Variants in DNAH14 observed in about 807,000 individuals in gnomAD.
DNAH14 encodes axonemal beta dynein heavy chain 14.
In DNAH14, 478 loss-of-function variants were observed where a neutral mutation model predicts 520.9. That is an observed-to-expected ratio of 0.92 (90% CI 0.85 to 0.99). DNAH14 has a LOEUF of 0.99. DNAH14 is among the 50% of genes least tolerant of loss of function. The pLI, the probability that DNAH14 is intolerant of heterozygous loss-of-function variation, is 0.00. For synonymous variants in DNAH14, 1,581 were observed against 1,757.2 expected, an observed-to-expected ratio of 0.90 and a Z score of 2.51; for missense variants, 4,831 against 5,234.5, an observed-to-expected ratio of 0.92 and a Z score of 2.38.
chr1:225,023,873 A>G lies in DNAH14; in HGVS notation c.1358+8A>G. ...GAATGAAAATCTTATCAGGTAAATT[A>G]CTTTTTTGAAGTCAAAAAGTAACTT... is the stretch of plus-strand genomic sequence containing the variant. On this transcript the variant is annotated splice_region_variant and intron_variant, in intron 11 of 85. Coordinates refer to ENST00000682510, the MANE Select transcript of DNAH14 (RefSeq NM_001367479.1). 1.3e-6 allele frequency: 2 copies of G among 1,515,948 alleles called. No homozygotes were observed. Among genetic ancestry groups the G allele is most frequent in the African/African-American group, 1.4e-5 (1 of 71,952 alleles). 93.9% of individuals were successfully genotyped at this position (1,515,948 alleles called of 1,614,324 possible). A position where few individuals can be genotyped will look rare whatever the true frequency, so the allele number is the denominator to read the frequency against.
rs1558883803 is a variant in DNAH14 at position 225,078,843 on chromosome 1, CCTCTCTCTCTCTCTCCCTCTCT to C, written c.2425-348_2425-327del. Among the ~76,000 whole-genome samples, 189 of 52,128 alleles carry C rather than the reference CCTCTCTCTCTCTCTCCCTCTCT, an allele frequency of 3.6e-3. 1 individual carries two copies. Among genetic ancestry groups the C allele is most frequent in the East Asian group, 6.3e-3 (12 of 1,912 alleles). 34.2% of individuals were successfully genotyped at this position (52,128 alleles called of 152,430 possible). On this transcript the variant is annotated intron_variant, in intron 17 of 85. Coordinates refer to ENST00000682510, the MANE Select transcript of DNAH14 (RefSeq NM_001367479.1). The stretch of plus-strand genomic sequence containing the variant: ...CTCTCTCCCTCTCTCTCTCTCTCTC[CCTCTCTCTCTCTCTCCCTCTCT>C]CTCTCTCTCTCTCTCTCTCTCTCTC...
chr1:225,147,343 T>G (rs2080047403), intron 31 of DNAH14, 94 bp downstream of exon 31: 2 of 1,311,690 alleles, frequency 1.5e-6, no homozygotes, highest in Admixed American at 3.3e-5. Flanking sequence ...CCAATAAGTG[T>G]TTAGGTCTTT....
At chr1:225,377,160 T>C (rs1558571196) in intron 78 of DNAH14, 77 bp from the exon 79 acceptor site, 5 of 1,219,982 alleles carry the variant, frequency 4.1e-6, no homozygotes, top group Admixed American at 3.4e-5. Flanking sequence ...GTAGGTATCT[T>C]ACTCTGGCAA....
At chr1:225,235,911 T>C (rs2091542149) in intron 42 of DNAH14, among the ~76,000 whole-genome samples, 1 of 152,198 alleles carries the variant, frequency 6.6e-6, no homozygotes, top group Non-Finnish European at 1.5e-5. Flanking sequence ...TGATTGTGGC[T>C]ATTTGATTCT....
intron 15 of DNAH14, among the ~76,000 whole-genome samples, 187 bp downstream of exon 15, chr1:225,044,170 T>C (rs1213657027): frequency 6.6e-6 from 1 of 152,180 alleles, no homozygotes; most frequent in East Asian, 1.9e-4. Context: ...ATTTTACACA[T>C]GGCCTTAGAG....
intron 8 of DNAH14, among the ~76,000 whole-genome samples, chr1:224,999,184 A>G (rs1464837544): frequency 6.6e-6 from 1 of 151,932 alleles, no homozygotes; most frequent in Non-Finnish European, 1.5e-5. Context: ...TAGTTGTGCC[A>G]TGGATTTTTT....
intron 21 of DNAH14, among the ~76,000 whole-genome samples, chr1:225,092,760 TACA>T (rs1274421311): frequency 2.0e-5 from 3 of 151,622 alleles, no homozygotes; most frequent in Non-Finnish European, 4.4e-5. Flanking sequence ...AAAATTAAGA[TACA>T]TAGACTTCTA....
At chr1:225,070,241 C>A (rs576964604) in intron 17 of DNAH14, among the ~76,000 whole-genome samples, 1 of 152,010 alleles carries the variant, frequency 6.6e-6, no homozygotes, top group Non-Finnish European at 1.5e-5. Context: ...TTCTTGTCTC[C>A]TGCTAACTTT....
At chr1:225,335,698 T>C (rs865918735) in intron 66 of DNAH14, among the ~76,000 whole-genome samples, 2 of 90,048 alleles carry the variant, frequency 2.2e-5, no homozygotes, top group Non-Finnish European at 4.6e-5. Context: ...TATATACATA[T>C]GTGCATATAT....
At chr1:225,171,833 G>C (rs551824747) in intron 36 of DNAH14, among the ~76,000 whole-genome samples, 2 of 152,116 alleles carry the variant, frequency 1.3e-5, no homozygotes, top group African/African-American at 4.8e-5. Context: ...TTTTAGACCA[G>C]TATCCCTGAT....
intron 21 of DNAH14, among the ~76,000 whole-genome samples, chr1:225,096,835 C>G (rs1156988960): frequency 6.6e-6 from 1 of 152,090 alleles, no homozygotes; most frequent in African/African-American, 2.4e-5. Context: ...AAGTGCTAGA[C>G]ATTCATGTTA....
At chr1:225,212,476 G>A (rs1253167558) in intron 41 of DNAH14, among the ~76,000 whole-genome samples, 9 of 152,080 alleles carry the variant, frequency 5.9e-5, no homozygotes, top group Middle Eastern at 3.2e-3. Context: ...CTGAGGAATC[G>A]CCACACTGTC....
At chr1:225,388,316 A>C in intron 81 of DNAH14, 63 bp from the exon 82 acceptor site, 1 of 965,552 alleles carries the variant, frequency 1.0e-6, no homozygotes, top group East Asian at 2.7e-5. Context: ...GTTTGCAGAA[A>C]TGTTCCTAAT....
chr1:225,043,104 T>G lies in DNAH14; in HGVS notation c.1758T>G (p.Asp586Glu). ...KSKEISYNLE[D>E]IISDTEIETE... is the part of the protein sequence containing the mutation. ...AAGAAATTAGTTACAATCTTGAAGATATTATTTCAGGTAAGACAATTGAGA... is the reference window on the plus strand; with the variant it reads ...AAGAAATTAGTTACAATCTTGAAGAGATTATTTCAGGTAAGACAATTGAGA... Residue 586 changes from aspartate (D) to glutamate (E), a missense_variant, in exon 13 of 86, where the codon GAT (aspartate) becomes GAG (glutamate). Coordinates refer to ENST00000682510, the MANE Select transcript of DNAH14 (RefSeq NM_001367479.1). The G allele has an allele frequency of 3.9e-6, 6 of 1,549,906 alleles. No individual in the cohort carries two copies. Among genetic ancestry groups the G allele is most frequent in the Non-Finnish European group, 5.2e-6 (6 of 1,146,680 alleles).
rs368743811 is a variant in DNAH14, at chr1:224,931,527, A to G, written c.-34+1692A>G. On this transcript the variant is annotated intron_variant, in intron 1 of 85. Coordinates refer to ENST00000682510, the MANE Select transcript of DNAH14 (RefSeq NM_001367479.1). ...ATCAAACACTGAATTTATTCCTTAT[A>G]TCTTACTGAGTCTTTGTACCCTTAA... Among the ~76,000 whole-genome samples the G allele has an allele frequency of 3.0e-4, 46 of 152,244 alleles. 1 individual carries two copies. In the East Asian group the frequency reaches 6.0e-3, roughly 20 times the overall value.
chr1:225,101,686 G>T (rs996782475), intron 23 of DNAH14, among the ~76,000 whole-genome samples: 7 of 152,056 alleles, frequency 4.6e-5, no homozygotes, highest in Non-Finnish European at 1.0e-4. Flanking sequence ...CAGATGACAA[G>T]ATCTCATTCT....
intron 4 of DNAH14, among the ~76,000 whole-genome samples, chr1:224,963,602 T>G (rs368535689): frequency 1.6e-4 from 25 of 152,292 alleles, no homozygotes; most frequent in African/African-American, 5.5e-4. Context: ...CTTCTGTGCT[T>G]TTCTACGTCA....
intron 1 of DNAH14, among the ~76,000 whole-genome samples, chr1:224,952,353 A>G (rs2060231380): frequency 6.6e-6 from 1 of 152,236 alleles, no homozygotes; most frequent in Non-Finnish European, 1.5e-5. Context: ...CCCTAAGAAA[A>G]TAATCTTAAA....
chr1:225,272,319 G>C (rs183035225), intron 51 of DNAH14, among the ~76,000 whole-genome samples: 571 of 152,326 alleles, frequency 3.7e-3, no homozygotes, highest in South Asian at 6.2e-3. Flanking sequence ...AGAAATAAGT[G>C]ACAAGGTTAT....
Sources: gnomAD v4.1 joint callset for allele counts (sites outside exome capture counted in the v4.1 genomes callset) on GRCh38, gnomAD v4.1.1 for gene constraint, MANE v1.5 for transcripts, NCBI Gene and HGNC (gene_info 2026-07-23, HGNC 2026-07-21) for gene names.